FBRSL1: variants seen among roughly 807,000 people sequenced by gnomAD.
The protein encoded by FBRSL1 is fibrosin like 1, also known as fibrosin-1-like protein.
FBRSL1 carries 51 observed loss-of-function variants against 89.6 expected under a neutral mutation model. The observed-to-expected ratio is 0.57, with a 90% CI of 0.45 to 0.72. The LOEUF (loss-of-function observed/expected upper bound fraction) is 0.72, where lower values mean the gene tolerates loss of function less well. Among genes scored for constraint, FBRSL1 ranks in the 30% least tolerant of loss-of-function variants. FBRSL1 has a pLI of 0.00. For missense variants in FBRSL1, 1,618 were observed against 1,451.8 expected (o/e 1.11, Z -1.86); for synonymous variants, 779 against 681.1 (o/e 1.14, Z -2.24).
At position 132,499,333 on chromosome 12, in the gene FBRSL1, G is replaced by A. The variant is rs553384056; in HGVS notation, c.291+8472G>A. Reference sequence around the variant, plus strand: ...GCAGGGGTGGTGCTGGGCAGCAGTGGTGCTGGACCTCTGGGAGAGGCCAGG... The same window carrying A: ...GCAGGGGTGGTGCTGGGCAGCAGTGATGCTGGACCTCTGGGAGAGGCCAGG... On this transcript the variant is annotated intron_variant, in intron 1 of 18. Coordinates refer to ENST00000680143, the MANE Select transcript of FBRSL1 (RefSeq NM_001367871.1). The surrounding 1 kb of genome is among the most constrained non-coding windows in gnomAD (Gnocchi z 4.3). Among the ~76,000 whole-genome samples the A allele has an allele frequency of 1.4e-5, 2 of 146,300 alleles. No homozygotes were observed. The highest frequency in any genetic ancestry group is 5.0e-5 in the African/African-American group (2 of 40,244).
intron 3 of FBRSL1, 43 bp from the exon 4 acceptor site, chr12:132,527,910 C>G (rs1201959841): frequency 6.5e-7 from 1 of 1,547,886 alleles, no homozygotes; most frequent in Non-Finnish European, 8.7e-7. Flanking sequence ...GGAGTTTGTT[C>G]CGAGTGGCAG....
chr12:132,557,248 C>A (rs1329273031), intron 5 of FBRSL1, among the ~76,000 whole-genome samples: 1 of 152,214 alleles, frequency 6.6e-6, no homozygotes, highest in Non-Finnish European at 1.5e-5. Context: ...TGAACACCAC[C>A]GTCAAGTCCC....
chr12:132,564,319 C>T (rs2039406377), intron 5 of FBRSL1, among the ~76,000 whole-genome samples: 1 of 152,304 alleles, frequency 6.6e-6, no homozygotes, highest in African/African-American at 2.4e-5. Context: ...AAGCAGCTCC[C>T]ACAGTGAGGA....
chr12:132,520,104 C>A (rs1396169951), intron 2 of FBRSL1, among the ~76,000 whole-genome samples: 2 of 150,880 alleles, frequency 1.3e-5, no homozygotes, highest in African/African-American at 4.9e-5. Flanking sequence ...AGCACACCCT[C>A]CTTGCACACC....
intron 15 of FBRSL1, among the ~76,000 whole-genome samples, chr12:132,578,994 G>A (rs1205956525): frequency 6.6e-6 from 1 of 152,136 alleles, no homozygotes; most frequent in Non-Finnish European, 1.5e-5. Flanking sequence ...TGCTCAGTGT[G>A]GCGCCCAGTT....
rs893215127 is a variant in FBRSL1 at position 132,583,365 on chromosome 12, C to T, written c.2596C>T (p.Pro866Ser). 376 of 1,114,550 alleles carry T rather than the reference C, an allele frequency of 3.4e-4. 2 individuals are homozygous for T. The highest frequency in any genetic ancestry group is 4.0e-4 in the Non-Finnish European group (361 of 911,368). 69.0% of individuals were successfully genotyped at this position (1,114,550 alleles called of 1,614,324 possible). The change falls in exon 19 of 19, where the codon CCC (proline) becomes TCC (serine). Residue 866 changes from proline (P) to serine (S), a missense_variant. Coordinates refer to ENST00000680143, the MANE Select transcript of FBRSL1 (RefSeq NM_001367871.1). Reference sequence around the variant, plus strand: ...CCTGGAGCTGCCACGTCGCGCCTTCCCCGCTGCCGCCCCCGCCCCGGGCTC... The same window carrying T: ...CCTGGAGCTGCCACGTCGCGCCTTCTCCGCTGCCGCCCCCGCCCCGGGCTC... ...RGLELPRRAFPAAAPAPGSAA... is the reference protein window; with the variant it reads ...RGLELPRRAFSAAAPAPGSAA...
In FBRSL1 at chr12:132,495,257, G is replaced by A. The variant is rs965772007; in HGVS notation, c.291+4396G>A. On this transcript the variant is annotated intron_variant, in intron 1 of 18. Transcript: ENST00000680143. ...AGGGGCCAGGGTTCCAGGAGCAAGA[G>A]CCCAGGCATAGGATCTGGGCTGGAA... 2.6e-5 allele frequency among the ~76,000 whole-genome samples: 4 copies of A among 152,366 alleles called. No individual in the cohort carries two copies. The East Asian group carries it at 7.7e-4, about 29-fold the overall frequency.
intron 11 of FBRSL1, 83 bp downstream of exon 11, chr12:132,572,705 C>G: frequency 1.0e-6 from 1 of 956,196 alleles, no homozygotes; most frequent in East Asian, 2.6e-5. Context: ...GCCAAACTCT[C>G]TGCCCACAAC....
chr12:132,544,872 G>A (rs962476328), intron 4 of FBRSL1, among the ~76,000 whole-genome samples: 2 of 152,178 alleles, frequency 1.3e-5, no homozygotes, highest in Non-Finnish European at 2.9e-5. Flanking sequence ...TGGTGATGAG[G>A]ATGGTGATGG....
At position 132,580,745 on chromosome 12, in the gene FBRSL1, TGGGA is replaced by T. The variant is rs1414748224; in HGVS notation, c.1835-688_1835-685del. On this transcript the variant is annotated intron_variant, in intron 15 of 18. Transcript: ENST00000680143. ...TCTTTGAGGTCCCTAAGATTAGGGC[TGGGA>T]GGGAGTCGGAGTAACCTAAAGATGA... 5 of 984,858 alleles carry T rather than the reference TGGGA, an allele frequency of 5.1e-6. No individual in the cohort carries two copies. The African/African-American group carries it at 7.0e-5, about 14-fold the overall frequency. 61.0% of individuals were successfully genotyped at this position (984,858 alleles called of 1,614,324 possible).
rs1341093919 is a variant in FBRSL1 at position 132,570,456 on chromosome 12, G to A, written c.1129G>A (p.Ala377Thr). 2.8e-5 allele frequency: 43 copies of A among 1,533,584 alleles called. No individual in the cohort carries two copies. Among genetic ancestry groups the A allele is most frequent in the Non-Finnish European group, 3.5e-5 (40 of 1,145,460 alleles). The allele number at this position is 1,533,584 out of a possible 1,614,324, so 95.0% of individuals were successfully genotyped here. A position where few individuals can be genotyped will look rare whatever the true frequency, so the allele number is the denominator to read the frequency against. ...GTCCCAGGCGCAGCACCAGCTCCACGCGGCCATGTTTGCCGCACCCCCGAC... is the reference window on the plus strand; with the variant it reads ...GTCCCAGGCGCAGCACCAGCTCCACACGGCCATGTTTGCCGCACCCCCGAC... ...LRSQAQHQLHAAMFAAPPTLP... is the reference protein window; with the variant it reads ...LRSQAQHQLHTAMFAAPPTLP... The change falls in exon 8 of 19, where the codon GCG (alanine) becomes ACG (threonine). Residue 377 changes from alanine to threonine, a missense_variant. Coordinates refer to ENST00000680143, the MANE Select transcript of FBRSL1 (RefSeq NM_001367871.1).
At position 132,570,058 on chromosome 12, in the gene FBRSL1, CG is replaced by C; in HGVS notation, c.828del (p.Pro278ArgfsTer10). On this transcript the variant is annotated frameshift_variant, in exon 7 of 19. Coordinates refer to ENST00000680143, the MANE Select transcript of FBRSL1 (RefSeq NM_001367871.1). LOFTEE classifies it high-confidence loss of function. The part of the protein sequence containing the change: ...ASPAPHAAPC[P>X]GPPPGSRANP... ...CCCGCGCCCCATGCCGCGCCCTGCC[CG>C]GGGCCCCCGCCCGGCTCCCGCGCCA... is the stretch of plus-strand genomic sequence containing the variant. 6.7e-7 allele frequency: 1 copy of C among 1,497,882 alleles called. No homozygotes were observed. The highest frequency in any genetic ancestry group is 2.2e-5 in the Admixed American group (1 of 45,110). 92.8% of individuals were successfully genotyped at this position (1,497,882 alleles called of 1,614,324 possible).
chr12:132,493,298 C>G (rs567468804), intron 1 of FBRSL1, among the ~76,000 whole-genome samples: 1 of 152,358 alleles, frequency 6.6e-6, no homozygotes, highest in East Asian at 1.9e-4. Flanking sequence ...GAGGGCTCTT[C>G]CTACTCTGGG....
intron 15 of FBRSL1, 124 bp downstream of exon 15, chr12:132,577,055 A>G: frequency 7.6e-7 from 1 of 1,310,656 alleles, no homozygotes; most frequent in Non-Finnish European, 1.0e-6. Flanking sequence ...TTGCTTCTTG[A>G]TGCTCACCAC....
chr12:132,497,683 G>C (rs1225199761), intron 1 of FBRSL1, among the ~76,000 whole-genome samples: 1 of 152,172 alleles, frequency 6.6e-6, no homozygotes. Context: ...TCCAGGCTCT[G>C]GGCCTCGGGA....
chr12:132,568,498 G>A (rs772472026), intron 6 of FBRSL1, among the ~76,000 whole-genome samples: 4 of 152,276 alleles, frequency 2.6e-5, no homozygotes, highest in Non-Finnish European at 5.9e-5. Flanking sequence ...CGCAGACGGT[G>A]TCACGCGGGG....
At position 132,500,161 on chromosome 12, in the gene FBRSL1, C is replaced by T. The variant is rs548728983; in HGVS notation, c.292-7992C>T. 7.9e-5 allele frequency among the ~76,000 whole-genome samples: 12 copies of T among 152,274 alleles called. No homozygotes were observed. The East Asian group carries it at 1.9e-3, about 25-fold the overall frequency. The stretch of plus-strand genomic sequence containing the variant: ...CAAGCGTCTGGGGCTGGGAGCCGCA[C>T]GCCGTGACCCTGCCCCACTGAGGCC... On this transcript the variant is annotated intron_variant, in intron 1 of 18. Coordinates refer to ENST00000680143, the MANE Select transcript of FBRSL1 (RefSeq NM_001367871.1).
At chr12:132,559,009 G>A (rs1420612518) in intron 5 of FBRSL1, among the ~76,000 whole-genome samples, 1 of 152,258 alleles carries the variant, frequency 6.6e-6, no homozygotes, top group Non-Finnish European at 1.5e-5. Context: ...TTGGTGTCCT[G>A]GTTTTCCACC....
Position 132,583,171 on chromosome 12 carries a change from C to A in FBRSL1, c.2402C>A (p.Ser801Tyr). 6.9e-7 allele frequency: 1 copy of A among 1,456,808 alleles called. No individual in the cohort carries two copies. The highest frequency in any genetic ancestry group is 9.0e-7 in the Non-Finnish European group (1 of 1,108,392). The allele number at this position is 1,456,808 out of a possible 1,614,324, so 90.2% of individuals were successfully genotyped here. A position where few individuals can be genotyped will look rare whatever the true frequency, so the allele number is the denominator to read the frequency against. The change falls in exon 19 of 19, where the codon TCC (serine) becomes TAC (tyrosine). Residue 801 changes from serine to tyrosine, a missense_variant. Coordinates refer to ENST00000680143, the MANE Select transcript of FBRSL1 (RefSeq NM_001367871.1). ...GCCGCCAAGATGCCCGCGCGCGCAT[C>A]CCCGCCCCACAGCAAGGCGGCCCCT... ...EEAAKMPARA[S>Y]PPHSKAAPGD...
Sources: gnomAD v4.1 joint callset for allele counts (sites outside exome capture counted in the v4.1 genomes callset) on GRCh38, gnomAD v4.1.1 for gene constraint, Gnocchi (gnomAD v3.1) non-coding constraint, MANE v1.5 for transcripts, NCBI Gene and HGNC (gene_info 2026-07-23, HGNC 2026-07-21) for gene names.